DGAT2L6: variants seen among roughly 807,000 people sequenced by gnomAD.
The protein encoded by DGAT2L6 is diacylglycerol O-acyltransferase 2 like 6.
DGAT2L6 carries 22 observed loss-of-function variants against 25.5 expected under a neutral mutation model. The observed-to-expected ratio is 0.86, with a 90% confidence interval of 0.62 to 1.23. DGAT2L6 has a LOEUF of 1.23. Among genes scored for constraint, DGAT2L6 ranks in the 50% most tolerant of loss-of-function variants. The probability of loss-of-function intolerance (pLI) is 0.00; values close to 1 mark genes in which losing one functional copy is unlikely to be tolerated. For missense variants in DGAT2L6, 287 were observed against 253.2 expected (o/e 1.13, Z -0.91); for synonymous variants, 100 against 94.7 (o/e 1.06, Z -0.32).
At chrX:70,189,448 A>G in intron 1 of DGAT2L6, among the ~76,000 whole-genome samples, 1 of 112,235 alleles carries the variant, frequency 8.9e-6, no homozygotes, top group Middle Eastern at 4.7e-3. Context: ...TAGGCTAAAA[A>G]CTGTAAAATG....
intron 1 of DGAT2L6, among the ~76,000 whole-genome samples, chrX:70,178,497 G>A (rs757694725): frequency 9.0e-6 from 1 of 110,934 alleles, no homozygotes; most frequent in Admixed American, 9.6e-5. Context: ...GAGTGCAAAC[G>A]GCAAACGGGC....
intron 4 of DGAT2L6, 70 bp from the exon 5 acceptor site, chrX:70,201,820 G>T: frequency 1.9e-6 from 2 of 1,037,121 alleles, no homozygotes; most frequent in Non-Finnish European, 2.5e-6. Context: ...AAAAGGAAGA[G>T]CCTGGGAAAA....
intron 1 of DGAT2L6, among the ~76,000 whole-genome samples, chrX:70,196,507 G>GAAAAAAAAAA (rs2085392231): frequency 1.3e-5 from 1 of 74,608 alleles, no homozygotes; most frequent in Non-Finnish European, 2.7e-5. Context: ...AAAAAAGAAA[G>GAAAAAAAAAA]AAAAAAGAAA....
intron 1 of DGAT2L6, among the ~76,000 whole-genome samples, chrX:70,198,516 TTTG>T (rs201445481): frequency 1.7e-4 from 19 of 110,142 alleles, no homozygotes; most frequent in South Asian, 4.0e-4. Context: ...GTAGGGCAGT[TTTG>T]TTGTTGTTGT....
chrX:70,201,849 G>A (rs2085411479), intron 4 of DGAT2L6, 41 bp from the exon 5 acceptor site: 4 of 1,130,432 alleles, frequency 3.5e-6, no homozygotes, highest in Admixed American at 2.9e-5. Flanking sequence ...CCCATCCTCA[G>A]GAATGAAGTT....
At chrX:70,184,518 G>A (rs1474599886) in intron 1 of DGAT2L6, among the ~76,000 whole-genome samples, 1 of 109,587 alleles carries the variant, frequency 9.1e-6, no homozygotes, top group African/African-American at 3.3e-5. Context: ...AGGCTGGAGT[G>A]CAGTGGTATG....
At position 70,202,030 on chromosome X, in the gene DGAT2L6, C is replaced by T. The variant is rs770368808; in HGVS notation, c.613C>T (p.Arg205Cys). 19 of 1,200,539 alleles carry T rather than the reference C, an allele frequency of 1.6e-5. No homozygotes were observed. The highest frequency in any genetic ancestry group is 3.5e-5 in the African/African-American group (2 of 56,629). Reference sequence around the variant, plus strand: ...AGCCTCCACTCTCTTCCTCAAGCAGCGTAAAGGTTTTGTGAAGATGGCACT... The same window carrying T: ...AGCCTCCACTCTCTTCCTCAAGCAGTGTAAAGGTTTTGTGAAGATGGCACT... ...PGASTLFLKQ[R>C]KGFVKMALQT... The change falls in exon 5 of 7, where the codon CGT becomes TGT. Residue 205 changes from arginine (R) to cysteine (C), a missense_variant. Physicochemically the swap from Arg to Cys is radical, Grantham distance 180. Transcript: ENST00000333026.
At chrX:70,186,859 G>A (rs1265765109) in intron 1 of DGAT2L6, among the ~76,000 whole-genome samples, 1 of 112,038 alleles carries the variant, frequency 8.9e-6, no homozygotes, top group Non-Finnish European at 1.9e-5. Flanking sequence ...ATGTGAGTAC[G>A]GCTACTGAGA....
At chrX:70,181,226 T>G (rs1347130579) in intron 1 of DGAT2L6, among the ~76,000 whole-genome samples, 1 of 112,685 alleles carries the variant, frequency 8.9e-6, no homozygotes, top group Non-Finnish European at 1.9e-5. Context: ...TTATTTTCTG[T>G]TTTTTAAATA....
intron 1 of DGAT2L6, among the ~76,000 whole-genome samples, chrX:70,182,467 A>ATTTTTTT (rs1569427581): frequency 1.6e-5 from 1 of 63,473 alleles, no homozygotes; most frequent in African/African-American, 8.5e-5. Context: ...TTTCAAAAGC[A>ATTTTTTT]TCTTTTTTTT....
chrX:70,183,155 T>C (rs1380043494), intron 1 of DGAT2L6, among the ~76,000 whole-genome samples: 1 of 112,686 alleles, frequency 8.9e-6, no homozygotes, highest in African/African-American at 3.2e-5. Context: ...GCCTAAGTGA[T>C]GATGTATAAA....
Position 70,205,624 on chromosome X carries a change from A to G in DGAT2L6, c.*518A>G, listed in dbSNP as rs1395163480. 8.9e-6 allele frequency: 1 copy of G among 112,156 alleles called. No individual in the cohort carries two copies. Among genetic ancestry groups the G allele is most frequent in the Non-Finnish European group, 1.9e-5 (1 of 53,681 alleles). The allele number at this position is 112,156 out of a possible 1,213,427, so 9.2% of individuals were successfully genotyped here. A position where few individuals can be genotyped will look rare whatever the true frequency, so the allele number is the denominator to read the frequency against. On this transcript the variant is annotated 3_prime_UTR_variant, in exon 7 of 7. Coordinates refer to ENST00000333026, the MANE Select transcript of DGAT2L6 (RefSeq NM_198512.3). ...TGGTCCAAGCAGACAGGATTCCGTCAGTTGTGATAGAGTTCTAGATTGGCA... is the reference window on the plus strand; with the variant it reads ...TGGTCCAAGCAGACAGGATTCCGTCGGTTGTGATAGAGTTCTAGATTGGCA...
intron 1 of DGAT2L6, among the ~76,000 whole-genome samples, chrX:70,187,169 TTTTGTTTGTTTG>T (rs61670297): frequency 9.2e-5 from 10 of 108,471 alleles, no homozygotes; most frequent in South Asian, 4.0e-4. Context: ...AGGAGAAGTT[TTTTGTTTGTTTG>T]TTTGTTTGTT....
At chrX:70,183,487 G>A (rs1484651999) in intron 1 of DGAT2L6, among the ~76,000 whole-genome samples, 4 of 112,003 alleles carry the variant, frequency 3.6e-5, no homozygotes, top group African/African-American at 6.5e-5. Context: ...AGAGCATTTT[G>A]TAAGAATGGC....
At chrX:70,193,580 CA>C (rs1464904533) in intron 1 of DGAT2L6, among the ~76,000 whole-genome samples, 8 of 111,944 alleles carry the variant, frequency 7.1e-5, no homozygotes, top group African/African-American at 2.6e-4. Context: ...CCCTGGGATG[CA>C]GGGGTGGTTC....
chrX:70,181,313 C>T (rs2147601375), intron 1 of DGAT2L6, among the ~76,000 whole-genome samples: 1 of 112,410 alleles, frequency 8.9e-6, no homozygotes, highest in South Asian at 3.7e-4. Flanking sequence ...TAATGTTGAG[C>T]ATCTTTTCAT....
intron 1 of DGAT2L6, among the ~76,000 whole-genome samples, chrX:70,188,976 CAAAA>C (rs200306182): frequency 4.7e-5 from 2 of 42,318 alleles, no homozygotes; most frequent in African/African-American, 1.5e-4. Context: ...AGGGCATCTA[CAAAA>C]AAAAAAAAAA....
In DGAT2L6 at chrX:70,201,913, G is replaced by C. The variant is rs766300465; in HGVS notation, c.496G>C (p.Ala166Pro). The stretch of plus-strand genomic sequence containing the variant: ...AGGTGTGTGCCCTGTGAGTAGCTCA[G>C]CCTTGAAGTACTTGCTGACCCAGAA... ...SMGVCPVSSS[A>P]LKYLLTQKGS... The change falls in exon 5 of 7, where the codon GCC becomes CCC. Residue 166 changes from alanine (A) to proline (P), a missense_variant. By Grantham distance (27) the Ala-to-Pro change is conservative (BLOSUM62 -1). Coordinates refer to ENST00000333026, the MANE Select transcript of DGAT2L6 (RefSeq NM_198512.3). 5.8e-6 allele frequency: 7 copies of C among 1,200,600 alleles called. No individual in the cohort carries two copies. The highest frequency in any genetic ancestry group is 6.7e-6 in the Non-Finnish European group (6 of 890,788).
intron 6 of DGAT2L6, 140 bp from the exon 7 acceptor site, chrX:70,204,812 A>G (rs1266627061): frequency 1.3e-6 from 1 of 750,413 alleles, no homozygotes. Flanking sequence ...AGGGGCCAGG[A>G]TGAGACTGGA....
Sources: allele counts gnomAD v4.1 joint callset (sites outside exome capture counted in the v4.1 genomes callset), GRCh38; gene constraint gnomAD v4.1.1; transcripts MANE v1.5; gene names NCBI Gene and HGNC (gene_info 2026-07-23, HGNC 2026-07-21).